The following SPAG16 variants were observed in gnomAD, a reference collection of about 807,000 sequenced individuals.
SPAG16 encodes sperm associated antigen 16, also known as sperm-associated antigen 16 protein.
SPAG16 carries 86 observed loss-of-function variants against 80.4 expected under a neutral mutation model. The observed-to-expected ratio is 1.07, with a 90% CI of 0.90 to 1.28. The LOEUF is 1.28. Ranked by LOEUF, SPAG16 falls within the 50% of genes most tolerant of loss-of-function variation. The pLI is 0.00. For synonymous variants in SPAG16, 294 were observed against 265.9 expected (o/e 1.11, Z -1.03); for missense variants, 870 against 765.3 (o/e 1.14, Z -1.61).
chr2:214,044,353 G>A (rs548669048), intron 13 of SPAG16, among the ~76,000 whole-genome samples: 17 of 152,124 alleles, frequency 1.1e-4, no homozygotes, highest in South Asian at 2.1e-4. Context: ...TTCTGCTACC[G>A]TGCTGTGGTT....
intron 15 of SPAG16, among the ~76,000 whole-genome samples, chr2:214,214,130 C>T (rs540683229): frequency 1.3e-5 from 2 of 151,822 alleles, no homozygotes; most frequent in Non-Finnish European, 2.9e-5. Flanking sequence ...ATCTCCATGT[C>T]ATTCATACAT....
chr2:214,290,037 A>T (rs769143023), intron 15 of SPAG16, among the ~76,000 whole-genome samples: 4 of 152,086 alleles, frequency 2.6e-5, no homozygotes, highest in Admixed American at 6.6e-5. Context: ...CTGTGAATTC[A>T]TCTGGTCCTG....
intron 10 of SPAG16, among the ~76,000 whole-genome samples, chr2:213,825,512 A>C (rs1466906784): frequency 6.6e-6 from 1 of 152,000 alleles, no homozygotes; most frequent in South Asian, 2.1e-4. Context: ...TTCTGTTGGT[A>C]AAATGCATTG....
chr2:214,016,738 A>G (rs1389448758), intron 13 of SPAG16, among the ~76,000 whole-genome samples: 1 of 152,178 alleles, frequency 6.6e-6, no homozygotes, highest in South Asian at 2.1e-4. Flanking sequence ...AAGAATGCCA[A>G]TATGTGTAAA....
chr2:213,832,140 G>A (rs2073702244), intron 10 of SPAG16, among the ~76,000 whole-genome samples: 1 of 152,032 alleles, frequency 6.6e-6, no homozygotes, highest in Non-Finnish European at 1.5e-5. Flanking sequence ...TGGGATTACA[G>A]GCACTTGCCA....
intron 14 of SPAG16, among the ~76,000 whole-genome samples, chr2:214,132,957 T>C (rs2054855687): frequency 1.3e-5 from 2 of 151,982 alleles, no homozygotes; most frequent in Admixed American, 1.3e-4. Flanking sequence ...CCAGGCGTGG[T>C]GGCAGACGCC....
chr2:214,372,177 A>G (rs1356375255), intron 15 of SPAG16, among the ~76,000 whole-genome samples: 1 of 152,146 alleles, frequency 6.6e-6, no homozygotes, highest in Admixed American at 6.6e-5. Context: ...AGGAGATTTG[A>G]TGTTCAAGAA....
chr2:214,156,578 G>A (rs1024032873), intron 15 of SPAG16, among the ~76,000 whole-genome samples: 2 of 152,168 alleles, frequency 1.3e-5, no homozygotes, highest in African/African-American at 4.8e-5. Flanking sequence ...AGGAGTTTAA[G>A]ACTAGCCTGG....
chr2:213,828,735 C>A (rs932004311), intron 10 of SPAG16, among the ~76,000 whole-genome samples: 1 of 152,218 alleles, frequency 6.6e-6, no homozygotes, highest in African/African-American at 2.4e-5. Context: ...AGAGCCATAT[C>A]TGCATTAGGG....
rs574676164 is a variant in SPAG16, at chr2:214,099,336, G to T, written c.1528-8860G>T. On this transcript the variant is annotated intron_variant, in intron 13 of 15. Transcript: ENST00000331683. ...TACTTGTGTAGGCATTATGTTAATT[G>T]CTTTACATAAATTTCTCCCACTGTA... Among the ~76,000 whole-genome samples the T allele has an allele frequency of 2.3e-4, 35 of 152,124 alleles. No individual in the cohort carries two copies. The South Asian group carries it at 6.8e-3, about 30-fold the overall frequency.
chr2:213,860,621 G>T lies in SPAG16; in HGVS notation c.1071-1864G>T, dbSNP rs372294893. Among the ~76,000 whole-genome samples, 4 of 151,828 alleles carry T rather than the reference G, an allele frequency of 2.6e-5. No homozygotes were observed. The East Asian group carries it at 5.8e-4, about 22-fold the overall frequency. On this transcript the variant is annotated intron_variant, in intron 10 of 15. Transcript: ENST00000331683. ...AAGTTGTTTAAGGTGTCACAGAGGA[G>T]GCCACATAGTGGAGGGGATGAGAAG...
At chr2:213,948,953 A>G (rs2079586218) in intron 12 of SPAG16, among the ~76,000 whole-genome samples, 1 of 152,126 alleles carries the variant, frequency 6.6e-6, no homozygotes, top group Non-Finnish European at 1.5e-5. Flanking sequence ...ACTTCTTTTC[A>G]TAATTAAATT....
At chr2:213,913,156 AT>A (rs1380983931) in intron 11 of SPAG16, among the ~76,000 whole-genome samples, 4 of 151,816 alleles carry the variant, frequency 2.6e-5, no homozygotes, top group Non-Finnish European at 4.4e-5. Flanking sequence ...TCTGAGTCTT[AT>A]TTTTTCCTCA....
chr2:214,111,347 A>G (rs1174123971), intron 14 of SPAG16, among the ~76,000 whole-genome samples: 2 of 152,146 alleles, frequency 1.3e-5, no homozygotes, highest in Admixed American at 6.6e-5. Context: ...CTTTCTACAT[A>G]TGGCTAGCCA....
intron 11 of SPAG16, among the ~76,000 whole-genome samples, chr2:213,897,360 G>T (rs189756669): frequency 1.1e-4 from 17 of 152,186 alleles, no homozygotes. Flanking sequence ...ATTCTATAAT[G>T]AGATACTAGT....
intron 15 of SPAG16, among the ~76,000 whole-genome samples, chr2:214,256,293 T>A (rs1690677532): frequency 6.6e-6 from 1 of 151,894 alleles, no homozygotes; most frequent in Non-Finnish European, 1.5e-5. Context: ...TTAATTGGCT[T>A]GTTTGTCTTT....
chr2:213,802,849 G>A (rs532277456), intron 10 of SPAG16, among the ~76,000 whole-genome samples: 55 of 148,572 alleles, frequency 3.7e-4, no homozygotes, highest in African/African-American at 1.4e-3. Flanking sequence ...ATCACTTCCA[G>A]AAAAAAAAAG....
chr2:213,750,045 C>CA (rs1288388926), intron 10 of SPAG16, among the ~76,000 whole-genome samples: 1 of 152,152 alleles, frequency 6.6e-6, no homozygotes. Context: ...TGTGTATTTA[C>CA]AGTAAGCCAA....
At chr2:213,293,386 C>T (rs1488985) in intron 1 of SPAG16, among the ~76,000 whole-genome samples, 44,068 of 152,080 alleles carry the variant, frequency 0.29, 6,839 homozygotes, top group African/African-American at 0.34. Context: ...TCCTCACACA[C>T]TGAGTAGACG....
Sources: allele counts gnomAD v4.1 joint callset (sites outside exome capture counted in the v4.1 genomes callset), GRCh38; gene constraint gnomAD v4.1.1; transcripts MANE v1.5; gene names NCBI Gene and HGNC (gene_info 2026-07-23, HGNC 2026-07-21).